The following C9orf85 variants were observed in gnomAD, a reference collection of about 807,000 sequenced individuals.
C9orf85 encodes the protein uncharacterized protein C9orf85.
C9orf85 carries 16 observed loss-of-function variants against 14.9 expected under a neutral mutation model. That is an observed-to-expected ratio of 1.08 (90% confidence interval 0.73 to 1.63). The LOEUF (loss-of-function observed/expected upper bound fraction) is 1.63. Ranked by LOEUF, C9orf85 falls within the 40% of genes most tolerant of loss-of-function variation. The probability of loss-of-function intolerance (pLI) is 0.00; values close to 1 mark genes in which losing one functional copy is unlikely to be tolerated. For missense variants in C9orf85, 172 were observed against 186.1 expected (o/e 0.92, Z 0.44); for synonymous variants, 45 against 56.8 (o/e 0.79, Z 0.93).
intron 1 of C9orf85, chr9:71,918,489 C>G (rs909969381): frequency 1.6e-6 from 2 of 1,282,732 alleles, no homozygotes; most frequent in Admixed American, 4.6e-5. Context: ...GGGTCCCCAG[C>G]CCCCGACCCC....
chr9:71,962,775 G>A (rs1347610798), intron 2 of C9orf85, among the ~76,000 whole-genome samples: 3 of 152,194 alleles, frequency 2.0e-5, no homozygotes, highest in Admixed American at 2.0e-4. Flanking sequence ...TGTGTTACTG[G>A]CTGGGCGCAG....
chr9:71,927,220 C>A, intron 1 of C9orf85, among the ~76,000 whole-genome samples: 1 of 148,380 alleles, frequency 6.7e-6, no homozygotes, highest in African/African-American at 2.5e-5. Flanking sequence ...TAAGCTATGG[C>A]TCGCTCATAT....
At position 71,971,580 on chromosome 9, in the gene C9orf85, TTG is replaced by T. The variant is rs748109884; in HGVS notation, c.286_287del (p.Cys96ArgfsTer15). 1.2e-6 allele frequency: 2 copies of T among 1,611,978 alleles called. No individual in the cohort carries two copies. The highest frequency in any genetic ancestry group is 2.7e-5 in the African/African-American group (2 of 74,472). On this transcript the variant is annotated frameshift_variant, in exon 3 of 4. Coordinates refer to ENST00000334731, the MANE Select transcript of C9orf85 (RefSeq NM_182505.5). LOFTEE classifies it low-confidence loss of function (END_TRUNC). Reference sequence around the variant, plus strand: ...GGCCATGTGCCTGTGAACTTGAAGTTTGCGCAAAATGTGGAAAGAAAGAAGAC... The same window carrying T: ...GGCCATGTGCCTGTGAACTTGAAGTTCGCAAAATGTGGAAAGAAAGAAGAC... ...CRPCACELEV[C>X]AKCGKKEDIV...
At chr9:71,965,785 A>G (rs758747342) in intron 2 of C9orf85, among the ~76,000 whole-genome samples, 5 of 152,158 alleles carry the variant, frequency 3.3e-5, no homozygotes, top group Admixed American at 6.5e-5. Flanking sequence ...AAACATGTAA[A>G]CAGTGGTGAC....
intron 1 of C9orf85, chr9:71,918,276 CTAATT>C: frequency 2.7e-6 from 1 of 373,204 alleles, no homozygotes; most frequent in South Asian, 2.4e-5. Flanking sequence ...TGAAGGAACA[CTAATT>C]ATATTAGTGT....
intron 1 of C9orf85, among the ~76,000 whole-genome samples, chr9:71,933,830 C>T (rs1234257019): frequency 6.6e-6 from 1 of 152,126 alleles, no homozygotes; most frequent in Admixed American, 6.5e-5. Context: ...TTTGAAGAGC[C>T]TTCAGAAGGT....
At chr9:71,942,902 C>A (rs1319357195) in intron 1 of C9orf85, among the ~76,000 whole-genome samples, 11 of 122,886 alleles carry the variant, frequency 9.0e-5, no homozygotes, top group African/African-American at 2.4e-4. Context: ...GACTCCGACT[C>A]AAAAAAAAAA....
chr9:71,929,699 T>C (rs1311262744), intron 1 of C9orf85, among the ~76,000 whole-genome samples: 2 of 151,924 alleles, frequency 1.3e-5, no homozygotes, highest in Non-Finnish European at 2.9e-5. Flanking sequence ...TGTTTGGCCT[T>C]ATTTACAAAG....
At chr9:71,917,071 G>C (rs1416332284) in intron 1 of C9orf85, among the ~76,000 whole-genome samples, 2 of 152,314 alleles carry the variant, frequency 1.3e-5, no homozygotes, top group African/African-American at 4.8e-5. Flanking sequence ...TTCATTGGTT[G>C]GATGGGATCT....
chr9:71,961,491 G>A (rs1822522765), intron 2 of C9orf85, among the ~76,000 whole-genome samples: 1 of 152,056 alleles, frequency 6.6e-6, no homozygotes, highest in Non-Finnish European at 1.5e-5. Flanking sequence ...AACCTGGGAG[G>A]CTGAGGTTGT....
chr9:71,967,472 T>G (rs1330776827), intron 2 of C9orf85, among the ~76,000 whole-genome samples: 1 of 152,192 alleles, frequency 6.6e-6, no homozygotes, highest in African/African-American at 2.4e-5. Context: ...TTCATTTTCA[T>G]AACTCTTTTG....
At chr9:71,980,115 G>A (rs1823071119) in intron 3 of C9orf85, among the ~76,000 whole-genome samples, 2 of 151,236 alleles carry the variant, frequency 1.3e-5, no homozygotes, top group Admixed American at 6.6e-5. Flanking sequence ...CCGGGTTCAA[G>A]CGATTCTCCT....
At chr9:71,980,642 G>A (rs1169713427) in intron 3 of C9orf85, among the ~76,000 whole-genome samples, 1 of 152,168 alleles carries the variant, frequency 6.6e-6, no homozygotes, top group Non-Finnish European at 1.5e-5. Context: ...AGGTCCAACT[G>A]TGACTCTGGA....
At chr9:71,926,259 C>T (rs564427723) in intron 1 of C9orf85, among the ~76,000 whole-genome samples, 1 of 152,200 alleles carries the variant, frequency 6.6e-6, no homozygotes, top group Non-Finnish European at 1.5e-5. Context: ...GAAATATGCC[C>T]GATAATTGCT....
At chr9:71,921,002 T>C (rs1827788551) in intron 1 of C9orf85, among the ~76,000 whole-genome samples, 1 of 151,844 alleles carries the variant, frequency 6.6e-6, no homozygotes, top group African/African-American at 2.4e-5. Context: ...CCATTTGGAG[T>C]CTAGACACAA....
At chr9:71,911,859 G>C in intron 1 of C9orf85, 23 bp downstream of exon 1, 1 of 1,598,374 alleles carries the variant, frequency 6.3e-7, no homozygotes, top group Non-Finnish European at 8.6e-7. Context: ...CTGTTGCACC[G>C]TCTTTGACTC....
In C9orf85 at chr9:71,923,459, G is replaced by T. The variant is rs139224229; in HGVS notation, c.102+11623G>T. On this transcript the variant is annotated intron_variant, in intron 1 of 3. Transcript: ENST00000334731. ...AATTTTATATTTTTAGTAGAGATGG[G>T]TTTTCTCCATGTTGGTCAGGTTGCT... is the stretch of plus-strand genomic sequence containing the variant. Among the ~76,000 whole-genome samples the T allele has an allele frequency of 3.7e-3, 559 of 152,174 alleles. 3 individuals carry two copies. Among genetic ancestry groups the T allele is most frequent in the African/African-American group, 0.013 (521 of 41,530 alleles).
intron 1 of C9orf85, among the ~76,000 whole-genome samples, chr9:71,917,616 T>C (rs534844512): frequency 2.6e-5 from 4 of 152,264 alleles, no homozygotes; most frequent in Admixed American, 1.3e-4. Context: ...AATACTACTC[T>C]GCTATTTTAA....
At position 71,942,885 on chromosome 9, in the gene C9orf85, AGAGT is replaced by A. The variant is rs374612762; in HGVS notation, c.103-4117_103-4114del. Among the ~76,000 whole-genome samples the A allele has an allele frequency of 1.0e-3, 143 of 142,650 alleles. 1 individual carries two copies. Among genetic ancestry groups the A allele is most frequent in the African/African-American group, 3.6e-3 (139 of 38,214 alleles). 93.6% of individuals were successfully genotyped at this position (142,650 alleles called of 152,430 possible). A position where few individuals can be genotyped will look rare whatever the true frequency, so the allele number is the denominator to read the frequency against. ...GCCACTGCACTCCAGCCTGGGCAAC[AGAGT>A]GAGACTCCGACTCAAAAAAAAAAAA... On this transcript the variant is annotated intron_variant, in intron 1 of 3. Transcript: ENST00000334731.
Sources: allele counts gnomAD v4.1 joint callset (sites outside exome capture counted in the v4.1 genomes callset), GRCh38; gene constraint gnomAD v4.1.1; transcripts MANE v1.5; gene names NCBI Gene and HGNC (gene_info 2026-07-23, HGNC 2026-07-21).